The following KCNH8 variants were observed in gnomAD, a reference collection of about 807,000 sequenced individuals.
KCNH8 encodes potassium voltage-gated channel subfamily H member 8, also known as voltage-gated delayed rectifier potassium channel KCNH8.
KCNH8 carries 70 observed loss-of-function variants against 103.6 expected under a neutral mutation model. That is an observed-to-expected ratio of 0.68 (90% CI 0.56 to 0.82). KCNH8 has a LOEUF of 0.82. Ranked by LOEUF, KCNH8 falls within the 40% of genes least tolerant of loss-of-function variation. KCNH8 has a pLI of 0.00. For synonymous variants in KCNH8, 498 were observed against 489.4 expected (o/e 1.02, Z -0.23); for missense variants, 1,217 against 1,329.9 (o/e 0.92, Z 1.32).
intron 5 of KCNH8, among the ~76,000 whole-genome samples, chr3:19,348,919 G>GT (rs1362408922): frequency 6.6e-6 from 1 of 151,890 alleles, no homozygotes; most frequent in Non-Finnish European, 1.5e-5. Context: ...TGTTTTTTTG[G>GT]TTTTTTCTCA....
chr3:19,424,469 A>G (rs2066997191), intron 7 of KCNH8, among the ~76,000 whole-genome samples: 1 of 152,208 alleles, frequency 6.6e-6, no homozygotes, highest in African/African-American at 2.4e-5. Flanking sequence ...CTCAAGATGG[A>G]TCAAAGACTT....
chr3:19,180,558 C>G (rs1476935583), intron 1 of KCNH8, among the ~76,000 whole-genome samples: 4 of 152,118 alleles, frequency 2.6e-5, no homozygotes, highest in African/African-American at 9.7e-5. Context: ...CAAAAGTTGC[C>G]TTATTTCGGG....
intron 1 of KCNH8, among the ~76,000 whole-genome samples, chr3:19,202,936 C>T (rs982016110): frequency 1.6e-4 from 24 of 152,096 alleles, no homozygotes; most frequent in Admixed American, 4.6e-4. Context: ...GACCACCCGA[C>T]GATACAAATT....
intron 11 of KCNH8, among the ~76,000 whole-genome samples, chr3:19,498,877 C>T (rs2068509417): frequency 6.6e-6 from 1 of 152,088 alleles, no homozygotes; most frequent in Admixed American, 6.6e-5. Flanking sequence ...GGGGGTGCCT[C>T]CCAGTTAGGC....
intron 15 of KCNH8, among the ~76,000 whole-genome samples, chr3:19,523,132 T>G (rs1458859644): frequency 1.3e-5 from 2 of 151,854 alleles, no homozygotes; most frequent in Non-Finnish European, 2.9e-5. Context: ...TCTAGCATTT[T>G]AGAGACCAAG....
At chr3:19,249,854 G>T (rs1164983354) in intron 1 of KCNH8, among the ~76,000 whole-genome samples, 1 of 152,032 alleles carries the variant, frequency 6.6e-6, no homozygotes, top group Non-Finnish European at 1.5e-5. Context: ...ATACCCAGGG[G>T]TTTTCACTGC....
At chr3:19,165,217 A>G (rs1048746916) in intron 1 of KCNH8, among the ~76,000 whole-genome samples, 47 of 152,322 alleles carry the variant, frequency 3.1e-4, no homozygotes, top group Non-Finnish European at 2.9e-5. Context: ...AGTTAAAACT[A>G]CAGCACTATT....
Position 19,500,247 on chromosome 3 carries a change from A to G in KCNH8, c.2041-10116A>G, listed in dbSNP as rs140415373. ...TCAACAAGAGCTAACTATCCTAAAT[A>G]TATATGCACCCAATACAAGAGCACC... On this transcript the variant is annotated intron_variant, in intron 11 of 15. Coordinates refer to ENST00000328405, the MANE Select transcript of KCNH8 (RefSeq NM_144633.3). Among the ~76,000 whole-genome samples the G allele has an allele frequency of 2.0e-5, 3 of 152,342 alleles. No individual in the cohort carries two copies. In the East Asian group the frequency reaches 5.8e-4, roughly 29 times the overall value.
intron 2 of KCNH8, among the ~76,000 whole-genome samples, chr3:19,258,993 T>C (rs1301696020): frequency 1.6e-5 from 2 of 123,262 alleles, no homozygotes; most frequent in African/African-American, 5.9e-5. Context: ...CTGGAAATAA[T>C]GTGTATAAGT....
At chr3:19,197,970 G>A (rs1446449317) in intron 1 of KCNH8, among the ~76,000 whole-genome samples, 1 of 152,076 alleles carries the variant, frequency 6.6e-6, no homozygotes, top group Non-Finnish European at 1.5e-5. Flanking sequence ...GCAGGGTTTT[G>A]TGTATCAAAG....
In KCNH8 at chr3:19,533,909, T is replaced by G; in HGVS notation, c.3134T>G (p.Val1045Gly). 1 of 1,614,136 alleles carries G rather than the reference T, an allele frequency of 6.2e-7. No homozygotes were observed. The highest frequency in any genetic ancestry group is 8.5e-7 in the Non-Finnish European group (1 of 1,180,024). The stretch of plus-strand genomic sequence containing the variant: ...TCTTCGGAAACATCTTTGCACCTAG[T>G]TCTCCCAAGCAGATCAGAGGAGGGC... ...CSSSETSLHLVLPSRSEEGSF... is the reference protein window; with the variant it reads ...CSSSETSLHLGLPSRSEEGSF... The change falls in exon 16 of 16, where the codon GTT (valine) becomes GGT (glycine). Residue 1045 changes from valine to glycine, a missense_variant. By Grantham distance (109) the Val-to-Gly change is moderately radical. This residue lies in a region of KCNH8 where 558 missense variants were observed against 495.8 expected (regional missense o/e 1.13). Transcript: ENST00000328405.
chr3:19,228,417 G>A (rs986809672), intron 1 of KCNH8, among the ~76,000 whole-genome samples: 9 of 152,162 alleles, frequency 5.9e-5, no homozygotes, highest in Non-Finnish European at 1.2e-4. Flanking sequence ...CTCGTGCCAG[G>A]CTTATATTGA....
intron 7 of KCNH8, among the ~76,000 whole-genome samples, chr3:19,400,231 C>CAAAAAAA (rs11422314): frequency 5.3e-4 from 28 of 53,110 alleles, no homozygotes; most frequent in African/African-American, 8.5e-4. Context: ...TGTTAGCCAG[C>CAAAAAAA]AAAAAAAAAA....
At chr3:19,231,226 T>C (rs1395658450) in intron 1 of KCNH8, among the ~76,000 whole-genome samples, 1 of 152,146 alleles carries the variant, frequency 6.6e-6, no homozygotes, top group African/African-American at 2.4e-5. Context: ...TATACTTCTA[T>C]GATAACACTG....
chr3:19,355,823 G>T (rs1001511075), intron 5 of KCNH8, among the ~76,000 whole-genome samples: 1 of 151,872 alleles, frequency 6.6e-6, no homozygotes, highest in African/African-American at 2.4e-5. Context: ...CATGGCGCAT[G>T]TATACATATG....
At position 19,242,223 on chromosome 3, in the gene KCNH8, G is replaced by T. The variant is rs888941032; in HGVS notation, c.77-11431G>T. Among the ~76,000 whole-genome samples, 121 of 152,260 alleles carry T rather than the reference G, an allele frequency of 7.9e-4. 1 individual carries two copies. Among genetic ancestry groups the T allele is most frequent in the African/African-American group, 2.7e-3 (112 of 41,552 alleles). On this transcript the variant is annotated intron_variant, in intron 1 of 15. Coordinates refer to ENST00000328405, the MANE Select transcript of KCNH8 (RefSeq NM_144633.3). ...GGTGATAGTGTGATTTTTCTGCAAA[G>T]ATTTCTAGGTAGTATAACCAAAAGC... is the stretch of plus-strand genomic sequence containing the variant.
intron 3 of KCNH8, among the ~76,000 whole-genome samples, chr3:19,305,091 T>G (rs890215854): frequency 3.3e-5 from 5 of 151,702 alleles, no homozygotes; most frequent in African/African-American, 1.2e-4. Flanking sequence ...ATAATTCGAC[T>G]TCCAGAAAAA....
intron 1 of KCNH8, among the ~76,000 whole-genome samples, chr3:19,250,990 G>C (rs954949603): frequency 6.6e-6 from 1 of 152,074 alleles, no homozygotes; most frequent in Non-Finnish European, 1.5e-5. Flanking sequence ...GCTTTTTTTA[G>C]GATGTGTAGT....
At chr3:19,329,538 C>T (rs938054143) in intron 3 of KCNH8, among the ~76,000 whole-genome samples, 1 of 151,914 alleles carries the variant, frequency 6.6e-6, no homozygotes, top group Non-Finnish European at 1.5e-5. Context: ...ATTTTATTCT[C>T]TTCTAGTTTT....
Sources: allele counts gnomAD v4.1 joint callset (sites outside exome capture counted in the v4.1 genomes callset), GRCh38; gene constraint gnomAD v4.1.1; regional missense constraint gnomAD v4.1.1; transcripts MANE v1.5; gene names NCBI Gene and HGNC (gene_info 2026-07-23, HGNC 2026-07-21).